Variants in CDC42BPB observed in about 807,000 individuals in gnomAD.
CDC42BPB encodes the protein CDC42 binding protein kinase beta.
In CDC42BPB, 37 loss-of-function variants were observed where a neutral mutation model predicts 214.9. The observed-to-expected ratio is 0.17, with a 90% CI of 0.13 to 0.23. The LOEUF (loss-of-function observed/expected upper bound fraction) is 0.23. Ranked by LOEUF, CDC42BPB falls within the 10% of genes least tolerant of loss-of-function variation. The pLI, the probability that CDC42BPB is intolerant of heterozygous loss-of-function variation, is 1.00. For missense variants in CDC42BPB, 1,694 were observed against 2,227.0 expected (o/e 0.76, Z 4.82); for synonymous variants, 931 against 884.0 (o/e 1.05, Z -0.94).
intron 19 of CDC42BPB, among the ~76,000 whole-genome samples, chr14:102,963,600 C>A (rs551616820): frequency 4.6e-5 from 7 of 152,352 alleles, no homozygotes; most frequent in African/African-American, 1.7e-4. Context: ...CAGAGGAAGT[C>A]AGGCTGCCAC....
chr14:103,016,104 G>A (rs2403109), intron 1 of CDC42BPB, among the ~76,000 whole-genome samples: 90,877 of 152,080 alleles, frequency 0.6, 27,989 homozygotes, highest in South Asian at 0.8. Flanking sequence ...GCTGCTGGCC[G>A]GCACTGGGTC....
chr14:103,055,498 T>A lies in CDC42BPB; in HGVS notation c.175+1501A>T, dbSNP rs1888894649. 3.3e-5 allele frequency among the ~76,000 whole-genome samples: 5 copies of A among 152,146 alleles called. No individual in the cohort carries two copies. In the South Asian group the frequency reaches 1.0e-3, roughly 31 times the overall value. On this transcript the variant is annotated intron_variant, in intron 1 of 36. Coordinates refer to ENST00000361246, the MANE Select transcript of CDC42BPB (RefSeq NM_006035.4). ...AAAGACCTCACTTTCAAAGCAACGG[T>A]GAAGTCAATTAATTATTCAGTTGGA...
intron 1 of CDC42BPB, among the ~76,000 whole-genome samples, chr14:103,037,106 T>C (rs368951333): frequency 5.2e-4 from 79 of 151,984 alleles, no homozygotes; most frequent in African/African-American, 1.8e-3. Context: ...TTTAGACTTA[T>C]CAAAATCAGC....
At chr14:103,013,982 G>A (rs1368965017) in intron 1 of CDC42BPB, among the ~76,000 whole-genome samples, 2 of 152,070 alleles carry the variant, frequency 1.3e-5, no homozygotes, top group African/African-American at 4.8e-5. Flanking sequence ...TGGCTAACAC[G>A]GTGAAACCCT....
intron 5 of CDC42BPB, among the ~76,000 whole-genome samples, chr14:102,990,642 C>T (rs1438285761): frequency 6.6e-6 from 1 of 152,134 alleles, no homozygotes; most frequent in African/African-American, 2.4e-5. Flanking sequence ...TAGTAATGCG[C>T]ATGCCCAGCA....
rs1566832723 is a variant in CDC42BPB at position 102,932,892 on chromosome 14, A to AGGGGGGGGGGG, written c.*819_*820insCCCCCCCCCCC. ...AGGACTGGTGGGGGGGGGGGCGGGC[A>AGGGGGGGGGGG]GGGCGGGGCGGGGTGGGGTATCCCA... On this transcript the variant is annotated 3_prime_UTR_variant, in exon 37 of 37. Coordinates refer to ENST00000361246, the MANE Select transcript of CDC42BPB (RefSeq NM_006035.4). 4.5e-4 allele frequency: 2 copies of AGGGGGGGGGGG among 4,454 alleles called. No individual in the cohort carries two copies. Among genetic ancestry groups the AGGGGGGGGGGG allele is most frequent in the Non-Finnish European group, 5.2e-4 (1 of 1,928 alleles). The allele number at this position is 4,454 out of a possible 1,614,324, so 0.3% of individuals were successfully genotyped here.
chr14:103,038,578 G>A (rs1194242806), intron 1 of CDC42BPB, among the ~76,000 whole-genome samples: 1 of 152,034 alleles, frequency 6.6e-6, no homozygotes, highest in Non-Finnish European at 1.5e-5. Flanking sequence ...CCAGGCTGGA[G>A]TGCAGCAGCA....
intron 6 of CDC42BPB, among the ~76,000 whole-genome samples, chr14:102,984,800 C>T (rs1894160935): frequency 2.0e-5 from 3 of 152,154 alleles, no homozygotes; most frequent in African/African-American, 7.2e-5. Context: ...AAGAGAGACA[C>T]AGGGTCCAAG....
intron 5 of CDC42BPB, among the ~76,000 whole-genome samples, chr14:102,994,618 G>T (rs898457210): frequency 6.6e-6 from 1 of 152,212 alleles, no homozygotes; most frequent in African/African-American, 2.4e-5. Flanking sequence ...CAGGCACAGC[G>T]CTGAGAAGCA....
At chr14:103,048,870 T>C (rs1888451489) in intron 1 of CDC42BPB, among the ~76,000 whole-genome samples, 1 of 149,328 alleles carries the variant, frequency 6.7e-6, no homozygotes, top group African/African-American at 2.5e-5. Flanking sequence ...TGAGCCTCCA[T>C]CTCCAAAAAA....
intron 21 of CDC42BPB, among the ~76,000 whole-genome samples, chr14:102,957,882 AG>A (rs1228427108): frequency 3.9e-5 from 6 of 152,180 alleles, no homozygotes; most frequent in Non-Finnish European, 8.8e-5. Context: ...CACCCTGGGC[AG>A]GCCGGCCTCT....
intron 1 of CDC42BPB, among the ~76,000 whole-genome samples, chr14:103,048,101 C>T (rs1888396397): frequency 1.3e-5 from 2 of 152,166 alleles, no homozygotes; most frequent in South Asian, 4.1e-4. Context: ...TGCTCAGTAG[C>T]AGGCCCGCAG....
chr14:103,023,941 C>T (rs936679956), intron 1 of CDC42BPB, among the ~76,000 whole-genome samples: 3 of 152,166 alleles, frequency 2.0e-5, no homozygotes, highest in East Asian at 1.9e-4. Context: ...TGGGCAGGAC[C>T]CTTCACACCA....
intron 1 of CDC42BPB, among the ~76,000 whole-genome samples, chr14:103,041,100 C>A (rs1887962030): frequency 6.6e-6 from 1 of 152,148 alleles, no homozygotes; most frequent in African/African-American, 2.4e-5. Context: ...TGGAATACAA[C>A]CGAGAGTCCA....
intron 2 of CDC42BPB, 99 bp from the exon 3 acceptor site, chr14:103,008,654 T>C (rs920163696): frequency 6.6e-7 from 1 of 1,524,442 alleles, no homozygotes; most frequent in Non-Finnish European, 8.8e-7. Context: ...CCCAGGAGCC[T>C]GTGAAACCAG....
At chr14:103,003,829 A>C (rs2139608725) in intron 4 of CDC42BPB, 99 bp downstream of exon 4, 2 of 909,190 alleles carry the variant, frequency 2.2e-6, no homozygotes, top group Middle Eastern at 2.2e-4. Context: ...ACATTTTTTA[A>C]ATGTCAGTTC....
intron 3 of CDC42BPB, 90 bp downstream of exon 3, chr14:103,008,382 G>C: frequency 3.6e-6 from 3 of 844,620 alleles, no homozygotes; most frequent in Non-Finnish European, 6.2e-6. Flanking sequence ...AGGGCTGTGG[G>C]GTGGCTGCAG....
intron 5 of CDC42BPB, among the ~76,000 whole-genome samples, chr14:102,988,973 G>A (rs1894374538): frequency 6.6e-6 from 1 of 150,888 alleles, no homozygotes. Context: ...AAATCTGTGT[G>A]GCAAAAAACC....
chr14:102,967,231 T>C, intron 16 of CDC42BPB, 61 bp from the exon 17 acceptor site: 1 of 1,547,152 alleles, frequency 6.5e-7, no homozygotes, highest in Non-Finnish European at 8.8e-7. Context: ...GTATGCTGGA[T>C]TTAACACTGG....
Sources: gnomAD v4.1 joint callset for allele counts (sites outside exome capture counted in the v4.1 genomes callset) on GRCh38, gnomAD v4.1.1 for gene constraint, MANE v1.5 for transcripts, NCBI Gene and HGNC (gene_info 2026-07-23, HGNC 2026-07-21) for gene names.